Variants in SULT1E1 observed in about 807,000 individuals in gnomAD.
SULT1E1 encodes sulfotransferase 1E1.
Under a neutral mutation model 33.6 loss-of-function variants are expected in SULT1E1, and 36 were observed. That is an observed-to-expected ratio of 1.07 (90% confidence interval 0.82 to 1.41). The LOEUF is 1.41. SULT1E1 is among the 40% of genes most tolerant of loss of function. The pLI, the probability that SULT1E1 is intolerant of heterozygous loss-of-function variation, is 0.00. For synonymous variants in SULT1E1, 121 were observed against 111.7 expected, an observed-to-expected ratio of 1.08 and a Z score of -0.53; for missense variants, 371 against 345.7, an observed-to-expected ratio of 1.07 and a Z score of -0.58.
At chr4:69,840,979 G>C (rs1163433600), downstream of SULT1E1, among the ~76,000 whole-genome samples, 1 of 152,106 alleles carries the variant, frequency 6.6e-6, no homozygotes, top group African/African-American at 2.4e-5. Context: ...CCAGGAGGTG[G>C]AGCTTGCAGT....
At chr4:69,826,303 G>A in the SULT1E1 span, among the ~76,000 whole-genome samples, 11 of 152,174 alleles carry the variant, frequency 7.2e-5, no homozygotes, top group South Asian at 2.1e-4. Flanking sequence ...AGAATGTGTC[G>A]GTAAGGGCCA....
At chr4:69,850,712 C>T (rs2110070160) in intron 4 of SULT1E1, among the ~76,000 whole-genome samples, 1 of 152,046 alleles carries the variant, frequency 6.6e-6, no homozygotes, top group Non-Finnish European at 1.5e-5. Context: ...CTTCTTTGTT[C>T]TAGTCTGTCT....
At chr4:69,848,332 A>G (rs567911592) in intron 5 of SULT1E1, among the ~76,000 whole-genome samples, 139 of 151,882 alleles carry the variant, frequency 9.2e-4, no homozygotes, top group Middle Eastern at 3.4e-3. Flanking sequence ...AGGAAATTAG[A>G]TTTTAGAAAT....
At chr4:69,847,400 ATGTGTG>A (rs113502821) in intron 6 of SULT1E1, among the ~76,000 whole-genome samples, 2 of 150,012 alleles carry the variant, frequency 1.3e-5, no homozygotes, top group African/African-American at 4.9e-5. Context: ...TTGTGTGTGA[ATGTGTG>A]TGTGTGTGTG....
At chr4:69,822,735 T>C in the SULT1E1 span, among the ~76,000 whole-genome samples, 1 of 152,232 alleles carries the variant, frequency 6.6e-6, no homozygotes, top group Admixed American at 6.5e-5. Context: ...ACATGGTTTG[T>C]CTTCTTTCTA....
chr4:69,842,734 A>C lies in SULT1E1; in HGVS notation c.773-628T>G, dbSNP rs1022302374. ...ACACTTCTGCTACTGCCAGCCAGAG[A>C]GTGTTTCTCATCTGGGTAATTATAA... On this transcript the variant is annotated intron_variant, in intron 7 of 7. Transcript: ENST00000226444. 2.0e-5 allele frequency among the ~76,000 whole-genome samples: 3 copies of C among 151,964 alleles called. No homozygotes were observed. In the East Asian group the frequency reaches 5.8e-4, roughly 29 times the overall value.
At chr4:69,846,305 CAAAAA>C (rs34408656) in intron 6 of SULT1E1, among the ~76,000 whole-genome samples, 1 of 107,040 alleles carries the variant, frequency 9.3e-6, no homozygotes, top group African/African-American at 3.5e-5. Flanking sequence ...ACAAAACAAT[CAAAAA>C]AAAAAAAAAA....
At chr4:69,842,260 T>C (rs942773485) in intron 7 of SULT1E1, among the ~76,000 whole-genome samples, 154 bp from the exon 8 acceptor site, 2 of 152,230 alleles carry the variant, frequency 1.3e-5, no homozygotes, top group Non-Finnish European at 2.9e-5. Flanking sequence ...GATATACTTT[T>C]TTGGGCTTAC....
At position 69,857,646 on chromosome 4, in the gene SULT1E1, GT is replaced by G; in HGVS notation, c.-3del. On this transcript the variant is annotated 5_prime_UTR_variant, in exon 2 of 8. Coordinates refer to ENST00000226444, the MANE Select transcript of SULT1E1 (RefSeq NM_005420.3). Reference sequence around the variant, plus strand: ...ATAATAGTCAAGTTCAGAATTCATTGTGGTACACTGAAAAAAAACCTCTGCT... The same window carrying G: ...ATAATAGTCAAGTTCAGAATTCATTGGGTACACTGAAAAAAAACCTCTGCT... The G allele has an allele frequency of 6.3e-7, 1 of 1,584,032 alleles. No individual in the cohort carries two copies. Among genetic ancestry groups the G allele is most frequent in the Non-Finnish European group, 8.5e-7 (1 of 1,171,072 alleles).
chr4:69,858,393 A>G (rs1258321545), intron 1 of SULT1E1, among the ~76,000 whole-genome samples: 1 of 152,108 alleles, frequency 6.6e-6, no homozygotes, highest in Non-Finnish European at 1.5e-5. Context: ...ATGACAATCT[A>G]TTTCATGTTC....
chr4:69,832,351 C>G, the SULT1E1 span, among the ~76,000 whole-genome samples: 1 of 152,188 alleles, frequency 6.6e-6, no homozygotes, highest in African/African-American at 2.4e-5. Context: ...TGTCATCTCT[C>G]CCTCCTGGCT....
the SULT1E1 span, among the ~76,000 whole-genome samples, chr4:69,827,799 T>C: frequency 6.6e-6 from 1 of 152,056 alleles, no homozygotes; most frequent in Non-Finnish European, 1.5e-5. Context: ...CAAACAAACT[T>C]TGGTGGTTCA....
chr4:69,834,683 C>G, the SULT1E1 span, among the ~76,000 whole-genome samples: 1 of 152,098 alleles, frequency 6.6e-6, no homozygotes, highest in Non-Finnish European at 1.5e-5. Flanking sequence ...AGGTGTCTAT[C>G]ACAGTTGTAG....
At chr4:69,849,752 GTGT>G (rs1240564210) in intron 4 of SULT1E1, among the ~76,000 whole-genome samples, 189 bp from the exon 5 acceptor site, 20 of 151,898 alleles carry the variant, frequency 1.3e-4, no homozygotes, top group African/African-American at 4.8e-4. Context: ...GGTTTTTGTA[GTGT>G]TGTTCTCTTT....
At chr4:69,841,137 C>G (rs1419335238), downstream of SULT1E1, 1 of 152,062 alleles carries the variant, frequency 6.6e-6, no homozygotes, top group Non-Finnish European at 1.5e-5. Flanking sequence ...ATTCTTTCTT[C>G]CAGAGTCTTC....
intron 6 of SULT1E1, 140 bp from the exon 7 acceptor site, chr4:69,844,481 A>T: frequency 1.5e-6 from 1 of 658,374 alleles, no homozygotes; most frequent in Non-Finnish European, 2.4e-6. Context: ...TAATTGGGGG[A>T]ATTTTATAAA....
At chr4:69,851,106 A>T (rs1721093001) in intron 4 of SULT1E1, among the ~76,000 whole-genome samples, 1 of 152,120 alleles carries the variant, frequency 6.6e-6, no homozygotes, top group East Asian at 1.9e-4. Flanking sequence ...AGTCCTTGCA[A>T]AGCCAAAATT....
rs536625828 is a variant in SULT1E1, at chr4:69,849,516, A to G, written c.417T>C (p.Tyr139=). 75 of 1,611,458 alleles carry G rather than the reference A, an allele frequency of 4.7e-5. 4 individuals carry two copies. The South Asian group carries it at 8.1e-4, about 17-fold the overall frequency. Residue 139 remains tyrosine (Y), a synonymous_variant, in exon 5 of 8, where the codon TAT becomes TAC. Transcript: ENST00000226444. The part of the protein sequence containing the change: ...RNAKDVAVSF[Y]YFFLMVAGHP... ...GACCAGCCACCATTAGAAAGAAATA[A>G]TAAAAGGAAACAGCCACATCCTTTG...
At position 69,855,308 on chromosome 4, in the gene SULT1E1, G is replaced by C. The variant is rs750325440; in HGVS notation, c.264C>G (p.Leu88=). 7.4e-6 allele frequency: 12 copies of C among 1,612,096 alleles called. No individual in the cohort carries two copies. Among genetic ancestry groups the C allele is most frequent in the Non-Finnish European group, 1.0e-5 (12 of 1,178,978 alleles). Residue 88 remains leucine (L), a synonymous_variant, in exon 3 of 8, where the codon CTC becomes CTG. Transcript: ENST00000226444. ...AATCAACTTGAACGTTACCATTCAT[G>C]AGGTTTTCTTTTCTGCATTCCAGGA... ...IPFLECRKEN[L]MNGVKQLDEM... is the part of the protein sequence containing the mutation.
Sources: allele counts gnomAD v4.1 joint callset (sites outside exome capture counted in the v4.1 genomes callset), GRCh38; gene constraint gnomAD v4.1.1; transcripts MANE v1.5; gene names NCBI Gene and HGNC (gene_info 2026-07-23, HGNC 2026-07-21).